Variants in PLXDC2 observed in about 807,000 individuals in gnomAD.
PLXDC2 encodes plexin domain-containing protein 2.
PLXDC2 carries 40 observed loss-of-function variants against 68.9 expected under a neutral mutation model. The ratio of observed to expected loss-of-function variants is 0.58; its 90% CI spans 0.45 to 0.76. The LOEUF (loss-of-function observed/expected upper bound fraction) is 0.76. Ranked by LOEUF, PLXDC2 falls within the 30% of genes least tolerant of loss-of-function variation. PLXDC2 has a pLI of 0.00. For synonymous variants in PLXDC2, 243 were observed against 234.2 expected, an observed-to-expected ratio of 1.04 and a Z score of -0.34; for missense variants, 644 against 661.9, an observed-to-expected ratio of 0.97 and a Z score of 0.30.
chr10:19,846,889 T>C (rs984926628), intron 1 of PLXDC2, among the ~76,000 whole-genome samples: 52 of 152,132 alleles, frequency 3.4e-4, no homozygotes, highest in Non-Finnish European at 1.0e-4. Context: ...TCCATATGGC[T>C]GAGGAGGTGT....
intron 4 of PLXDC2, among the ~76,000 whole-genome samples, chr10:20,101,464 T>C (rs1355555714): frequency 6.6e-6 from 1 of 152,250 alleles, no homozygotes; most frequent in African/African-American, 2.4e-5. Context: ...ACTTCATATC[T>C]CAAATCTTTG....
chr10:20,214,415 G>A (rs1250595738), intron 10 of PLXDC2, among the ~76,000 whole-genome samples: 2 of 152,120 alleles, frequency 1.3e-5, no homozygotes, highest in Non-Finnish European at 1.5e-5. Flanking sequence ...CTGCCCTAAT[G>A]TGAGGAGGAG....
chr10:20,267,010 A>C (rs1440215407), intron 13 of PLXDC2, among the ~76,000 whole-genome samples: 1 of 152,216 alleles, frequency 6.6e-6, no homozygotes, highest in Admixed American at 6.5e-5. Context: ...TTTTTGCATT[A>C]TACGTCTCAC....
intron 1 of PLXDC2, among the ~76,000 whole-genome samples, chr10:19,863,207 C>T (rs575801977): frequency 6.6e-6 from 1 of 152,176 alleles, no homozygotes; most frequent in Non-Finnish European, 1.5e-5. Context: ...GGGCCCTTTT[C>T]CCTCCGGGTT....
At chr10:20,158,730 T>C (rs1834251732) in intron 6 of PLXDC2, among the ~76,000 whole-genome samples, 1 of 151,868 alleles carries the variant, frequency 6.6e-6, no homozygotes, top group South Asian at 2.1e-4. Context: ...TAAATGTACC[T>C]TTTAATAATA....
intron 4 of PLXDC2, among the ~76,000 whole-genome samples, chr10:20,081,885 A>T (rs1836564950): frequency 6.6e-6 from 1 of 151,844 alleles, no homozygotes; most frequent in Non-Finnish European, 1.5e-5. Flanking sequence ...CTAGAAAAAA[A>T]TTTTAAAAAA....
intron 9 of PLXDC2, among the ~76,000 whole-genome samples, chr10:20,199,391 C>T (rs531008143): frequency 6.6e-6 from 1 of 151,800 alleles, no homozygotes; most frequent in South Asian, 2.1e-4. Context: ...TAGCATAATT[C>T]TGTAATTCTA....
At chr10:19,884,613 T>C (rs1320930533) in intron 1 of PLXDC2, among the ~76,000 whole-genome samples, 1 of 152,102 alleles carries the variant, frequency 6.6e-6, no homozygotes, top group African/African-American at 2.4e-5. Flanking sequence ...GTTTGGTTTT[T>C]TGTTCTTGCG....
chr10:19,817,630 C>T (rs1836379577), intron 1 of PLXDC2, among the ~76,000 whole-genome samples: 1 of 152,172 alleles, frequency 6.6e-6, no homozygotes, highest in Non-Finnish European at 1.5e-5. Flanking sequence ...TTGCAGGTCT[C>T]CCCTCTGCAC....
At chr10:20,105,466 T>C (rs11011803) in intron 4 of PLXDC2, among the ~76,000 whole-genome samples, 55,987 of 152,066 alleles carry the variant, frequency 0.37, 14,285 homozygotes, top group African/African-American at 0.73. Flanking sequence ...CAATGACATA[T>C]GCATTAAAAA....
At chr10:20,225,513 T>C (rs1474212998) in intron 12 of PLXDC2, among the ~76,000 whole-genome samples, 1 of 152,184 alleles carries the variant, frequency 6.6e-6, no homozygotes, top group Non-Finnish European at 1.5e-5. Flanking sequence ...AGTTTTATGT[T>C]TGGTTTGTTT....
chr10:19,969,128 G>A (rs1040254023), intron 1 of PLXDC2, among the ~76,000 whole-genome samples: 5 of 152,210 alleles, frequency 3.3e-5, no homozygotes, highest in African/African-American at 1.2e-4. Context: ...GTTACAATAT[G>A]CTAGCCAGAC....
chr10:20,071,022 A>G (rs553103229), intron 4 of PLXDC2: 1 of 152,258 alleles, frequency 6.6e-6, no homozygotes, highest in East Asian at 1.9e-4. Flanking sequence ...TTCTTTGAAG[A>G]AAACACTAAT....
chr10:20,137,423 C>T (rs1833948263), intron 4 of PLXDC2, among the ~76,000 whole-genome samples: 1 of 152,164 alleles, frequency 6.6e-6, no homozygotes, highest in African/African-American at 2.4e-5. Flanking sequence ...TGAATTATCG[C>T]ATCGTGTGTG....
chr10:20,283,155 T>G lies in PLXDC2; in HGVS notation c.*3336T>G, dbSNP rs1836103396. 6.6e-6 allele frequency: 1 copy of G among 152,170 alleles called. No individual in the cohort carries two copies. Among genetic ancestry groups the G allele is most frequent in the Admixed American group, 6.5e-5 (1 of 15,270 alleles). The allele number at this position is 152,170 out of a possible 1,614,324, so 9.4% of individuals were successfully genotyped here. ...GAGGAAAGAAACAAGATTTGGTAGC[T>G]CTTGGGCATATCCAAGCATTTTTGA... On this transcript the variant is annotated 3_prime_UTR_variant, in exon 14 of 14. Transcript: ENST00000377252.
rs770239764 is a variant in PLXDC2, at chr10:20,217,490, T to C, written c.1187T>C (p.Val396Ala). The part of the protein sequence containing the change: ...VETSSRTTTT[V>A]GATTTQFRVL... ...ACTTCTTCTCGAACCACCACAACCG[T>C]AGGAGCGACAACCACCCAGTTCAGG... The change falls in exon 11 of 14, where the codon GTA (valine) becomes GCA (alanine). Residue 396 changes from valine (V) to alanine (A), a missense_variant. Val to Ala is a moderately conservative substitution (Grantham distance 64). Transcript: ENST00000377252. The C allele has an allele frequency of 6.2e-7, 1 of 1,611,714 alleles. No individual in the cohort carries two copies. The highest frequency in any genetic ancestry group is 8.5e-7 in the Non-Finnish European group (1 of 1,178,964).
intron 1 of PLXDC2, among the ~76,000 whole-genome samples, chr10:19,848,421 G>A (rs1234027908): frequency 6.6e-6 from 1 of 152,078 alleles, no homozygotes. Context: ...TCTATCTGTT[G>A]GTGACTTCTA....
At chr10:19,819,981 C>T (rs1836432315) in intron 1 of PLXDC2, among the ~76,000 whole-genome samples, 1 of 152,134 alleles carries the variant, frequency 6.6e-6, no homozygotes, top group Admixed American at 6.5e-5. Flanking sequence ...ATTATTTTAT[C>T]AATCAATGAC....
At chr10:19,885,737 T>C (rs1402196638) in intron 1 of PLXDC2, among the ~76,000 whole-genome samples, 1 of 152,172 alleles carries the variant, frequency 6.6e-6, no homozygotes, top group Non-Finnish European at 1.5e-5. Context: ...ACCAGTACCA[T>C]GCTGTTTTGG....
Sources: allele counts gnomAD v4.1 joint callset (sites outside exome capture counted in the v4.1 genomes callset), GRCh38; gene constraint gnomAD v4.1.1; transcripts MANE v1.5; gene names NCBI Gene and HGNC (gene_info 2026-07-23, HGNC 2026-07-21).